N4BP1: variants seen among roughly 807,000 people sequenced by gnomAD.
N4BP1 encodes the protein NEDD4 binding protein 1, also known as NEDD4-binding protein 1.
A neutral mutation model predicts 70.9 loss-of-function variants in N4BP1; 21 were observed. The observed-to-expected ratio is 0.30, with a 90% CI of 0.21 to 0.43. N4BP1 has a LOEUF of 0.43. N4BP1 is among the 20% of genes least tolerant of loss of function. N4BP1 has a pLI of 1.00. For missense variants in N4BP1, 936 were observed against 1,069.4 expected, an observed-to-expected ratio of 0.88 and a Z score of 1.74; for synonymous variants, 387 against 394.6, an observed-to-expected ratio of 0.98 and a Z score of 0.23.
rs762175263 is a variant in N4BP1 at position 48,561,788 on chromosome 16, CCTTTT to C, written c.850_854del (p.Lys284GlufsTer4). ...GCCTTTCTTCAGAATCAGAAAATCT[CCTTTT>C]CTGACAAATTCTCTCATTGGAAAGT... On this transcript the variant is annotated frameshift_variant, in exon 2 of 7. Coordinates refer to ENST00000262384, the MANE Select transcript of N4BP1 (RefSeq NM_153029.4). LOFTEE classifies it high-confidence loss of function. 6.2e-7 allele frequency: 1 copy of C among 1,613,158 alleles called. No homozygotes were observed. Among genetic ancestry groups the C allele is most frequent in the African/African-American group, 1.3e-5 (1 of 74,924 alleles).
chr16:48,554,131 G>A (rs376582831), intron 2 of N4BP1, among the ~76,000 whole-genome samples: 1 of 151,526 alleles, frequency 6.6e-6, no homozygotes, highest in African/African-American at 2.4e-5. Context: ...ATGGGGGGCC[G>A]TGAAAGGCTA....
At position 48,561,671 on chromosome 16, in the gene N4BP1, T is replaced by TAG; in HGVS notation, c.970_971dup (p.Ser325TyrfsTer11). ...TTTCAGAATCAGCAGAAGAATCAGA[T>TAG]AGGTCAGCTATTACATTTCCAGCCA... On this transcript the variant is annotated frameshift_variant, in exon 2 of 7. Coordinates refer to ENST00000262384, the MANE Select transcript of N4BP1 (RefSeq NM_153029.4). LOFTEE classifies it high-confidence loss of function. 6.2e-7 allele frequency: 1 copy of TAG among 1,613,324 alleles called. No homozygotes were observed. The highest frequency in any genetic ancestry group is 1.3e-5 in the African/African-American group (1 of 75,048).
At chr16:48,553,235 G>A (rs1335461663) in intron 3 of N4BP1, among the ~76,000 whole-genome samples, 1 of 152,156 alleles carries the variant, frequency 6.6e-6, no homozygotes, top group African/African-American at 2.4e-5. Context: ...TATCTAAACA[G>A]TCAGAAATCC....
chr16:48,554,279 A>G (rs1963719882), intron 2 of N4BP1, among the ~76,000 whole-genome samples: 1 of 152,240 alleles, frequency 6.6e-6, no homozygotes, highest in Non-Finnish European at 1.5e-5. Flanking sequence ...AGTCTCTGTC[A>G]TACCACCCAA....
chr16:48,582,437 T>C (rs1420760591), intron 1 of N4BP1, among the ~76,000 whole-genome samples: 1 of 144,242 alleles, frequency 6.9e-6, no homozygotes, highest in African/African-American at 2.7e-5. Flanking sequence ...AGTATCTAGG[T>C]GGCCATCTTC....
rs571297764 is a variant in N4BP1, at chr16:48,578,604, C to T, written c.199-16160G>A. 2.6e-5 allele frequency among the ~76,000 whole-genome samples: 4 copies of T among 152,332 alleles called. No homozygotes were observed. In the South Asian group the frequency reaches 8.3e-4, roughly 32 times the overall value. On this transcript the variant is annotated intron_variant, in intron 1 of 6. Coordinates refer to ENST00000262384, the MANE Select transcript of N4BP1 (RefSeq NM_153029.4). The stretch of plus-strand genomic sequence containing the variant: ...ACTCTTCTTCCTACTGTCAGTTTTA[C>T]CACACTCCACTCCTCTGTTACAGTA...
chr16:48,560,609 G>A (rs1963839605), intron 2 of N4BP1, 145 bp downstream of exon 2: 2 of 1,023,352 alleles, frequency 2.0e-6, no homozygotes, highest in Admixed American at 2.8e-5. Context: ...CCAACCAGTT[G>A]GTTCCCATTC....
chr16:48,540,264 T>G lies in N4BP1; in HGVS notation c.*2640A>C, dbSNP rs931050416. On this transcript the variant is annotated 3_prime_UTR_variant, in exon 7 of 7. Transcript: ENST00000262384. ...CCACACCTGAGGCGTGGGAGGCAGG[T>G]AGGAGCTGGGGGAGGGCGGGGAGAA... 5 of 151,948 alleles carry G rather than the reference T, an allele frequency of 3.3e-5. No homozygotes were observed. The highest frequency in any genetic ancestry group is 5.9e-5 in the Non-Finnish European group (4 of 68,186). The allele number at this position is 151,948 out of a possible 1,614,324, so 9.4% of individuals were successfully genotyped here.
chr16:48,551,758 C>T (rs1433737863), intron 3 of N4BP1, among the ~76,000 whole-genome samples: 1 of 152,236 alleles, frequency 6.6e-6, no homozygotes, highest in Non-Finnish European at 1.5e-5. Context: ...GTGGCTCACG[C>T]CTGTAATCCC....
chr16:48,592,146 T>A (rs1964349021), intron 1 of N4BP1, among the ~76,000 whole-genome samples: 1 of 152,144 alleles, frequency 6.6e-6, no homozygotes, highest in African/African-American at 2.4e-5. Flanking sequence ...CAAAATGGGC[T>A]GATTGCCAGG....
chr16:48,587,674 A>T (rs1479117155), intron 1 of N4BP1, among the ~76,000 whole-genome samples: 1 of 152,228 alleles, frequency 6.6e-6, no homozygotes, highest in Non-Finnish European at 1.5e-5. Context: ...GAAGAGAATC[A>T]GACAAACTGA....
chr16:48,586,898 C>T (rs989024114), intron 1 of N4BP1, among the ~76,000 whole-genome samples: 6 of 151,850 alleles, frequency 4.0e-5, no homozygotes, highest in African/African-American at 1.2e-4. Flanking sequence ...ACACACTTTA[C>T]AAGATAGAAT....
At chr16:48,596,617 C>G (rs1271472368) in intron 1 of N4BP1, among the ~76,000 whole-genome samples, 1 of 152,226 alleles carries the variant, frequency 6.6e-6, no homozygotes, top group African/African-American at 2.4e-5. Context: ...AGAGATCAGA[C>G]TTGACTGACT....
At chr16:48,597,753 C>T (rs577181317) in intron 1 of N4BP1, among the ~76,000 whole-genome samples, 1 of 152,264 alleles carries the variant, frequency 6.6e-6, no homozygotes. Flanking sequence ...GAGGTTTCCT[C>T]ATGTCTCGTC....
chr16:48,544,066 G>A (rs550681729), intron 6 of N4BP1, among the ~76,000 whole-genome samples: 20 of 152,184 alleles, frequency 1.3e-4, no homozygotes, highest in Non-Finnish European at 2.5e-4. Flanking sequence ...CACAGGCCTC[G>A]GGCCTGAAGC....
intron 1 of N4BP1, among the ~76,000 whole-genome samples, chr16:48,571,032 T>A (rs1964012850): frequency 1.3e-5 from 2 of 152,162 alleles, no homozygotes; most frequent in African/African-American, 4.8e-5. Context: ...TTTCAAGGGA[T>A]CCTTCTGCCT....
intron 1 of N4BP1, among the ~76,000 whole-genome samples, chr16:48,605,873 C>G (rs920223930): frequency 1.4e-4 from 22 of 152,190 alleles, no homozygotes; most frequent in African/African-American, 4.8e-4. Context: ...CTGGAGGAAT[C>G]TGTGATGCAA....
chr16:48,560,579 G>T lies in N4BP1; in HGVS notation c.1889+175C>A. 5.8e-6 allele frequency: 4 copies of T among 688,324 alleles called. No homozygotes were observed. The South Asian group carries it at 6.7e-5, about 12-fold the overall frequency. 42.6% of individuals were successfully genotyped at this position (688,324 alleles called of 1,614,324 possible). ...TGAAGTAAAGTTCATGAATCCAGAA[G>T]ATGGACTGACAAAACCTTTCCAACC... On this transcript the variant is annotated intron_variant, in intron 2 of 6. Coordinates refer to ENST00000262384, the MANE Select transcript of N4BP1 (RefSeq NM_153029.4).
At chr16:48,576,565 A>T (rs1395623754) in intron 1 of N4BP1, among the ~76,000 whole-genome samples, 1 of 152,204 alleles carries the variant, frequency 6.6e-6, no homozygotes, top group Non-Finnish European at 1.5e-5. Flanking sequence ...TTATCCAAAG[A>T]ACCTCTTCAA....
Sources: gnomAD v4.1 joint callset for allele counts (sites outside exome capture counted in the v4.1 genomes callset) on GRCh38, gnomAD v4.1.1 for gene constraint, MANE v1.5 for transcripts, NCBI Gene and HGNC (gene_info 2026-07-23, HGNC 2026-07-21) for gene names.